The following C11orf52 variants were observed in gnomAD, a reference collection of about 807,000 sequenced individuals.
The protein encoded by C11orf52 is chromosome 11 open reading frame 52, also known as uncharacterized protein C11orf52.
Under a neutral mutation model 11.7 loss-of-function variants are expected in C11orf52, and 9 were observed. The ratio of observed to expected loss-of-function variants is 0.77; its 90% CI spans 0.46 to 1.34. C11orf52 has a LOEUF of 1.34. Among genes scored for constraint, C11orf52 ranks in the 40% most tolerant of loss-of-function variants. The probability of loss-of-function intolerance (pLI) is 0.00; values close to 1 mark genes in which losing one functional copy is unlikely to be tolerated. For missense variants in C11orf52, 139 were observed against 154.8 expected, an observed-to-expected ratio of 0.90 and a Z score of 0.54; for synonymous variants, 49 against 57.4, an observed-to-expected ratio of 0.85 and a Z score of 0.66.
chr11:111,925,907 T>C lies in C11orf52; in HGVS notation c.133-53T>C, dbSNP rs1592522306. 6.2e-6 allele frequency: 10 copies of C among 1,607,600 alleles called. No homozygotes were observed. The South Asian group carries it at 1.1e-4, about 18-fold the overall frequency. On this transcript the variant is annotated intron_variant, in intron 3 of 3. Coordinates refer to ENST00000278601, the MANE Select transcript of C11orf52 (RefSeq NM_080659.3). ...AGTTGACCTGCCCCTGCATTGGAGG[T>C]GAGGGGCAAAACCAAGCCATGAATC...
intron 2 of C11orf52, among the ~76,000 whole-genome samples, chr11:111,924,839 A>G (rs1166967856): frequency 6.6e-6 from 1 of 152,184 alleles, no homozygotes; most frequent in Non-Finnish European, 1.5e-5. Flanking sequence ...ATAATAGCAA[A>G]GGGCCAGGCG....
intron 3 of C11orf52, 90 bp from the exon 4 acceptor site, chr11:111,925,870 C>T (rs1229655092): frequency 6.3e-7 from 1 of 1,587,674 alleles, no homozygotes; most frequent in African/African-American, 1.3e-5. Flanking sequence ...AGGAGCAAAG[C>T]GAAGGGACAT....
At chr11:111,919,693 A>T (rs1362745495) in intron 1 of C11orf52, among the ~76,000 whole-genome samples, 1 of 152,166 alleles carries the variant, frequency 6.6e-6, no homozygotes, top group Non-Finnish European at 1.5e-5. Flanking sequence ...TTTATGAGGT[A>T]AATGGTTTTG....
At chr11:111,919,095 G>C in intron 1 of C11orf52, 91 bp downstream of exon 1, 1 of 1,451,056 alleles carries the variant, frequency 6.9e-7, no homozygotes. Flanking sequence ...ATAGTTGTCT[G>C]CCAGCCTCCC....
chr11:111,923,135 A>C (rs1281570650), intron 1 of C11orf52, among the ~76,000 whole-genome samples: 2 of 152,242 alleles, frequency 1.3e-5, no homozygotes, highest in Non-Finnish European at 2.9e-5. Flanking sequence ...ACAAGTGGCA[A>C]AGAATTAGAA....
At chr11:111,919,301 C>A in intron 1 of C11orf52, 1 of 341,850 alleles carries the variant, frequency 2.9e-6, no homozygotes, top group Non-Finnish European at 5.6e-6. Context: ...GGTGAAACCC[C>A]GTCTCTACTG....
At chr11:111,920,408 C>T (rs1965672562) in intron 1 of C11orf52, among the ~76,000 whole-genome samples, 1 of 151,954 alleles carries the variant, frequency 6.6e-6, no homozygotes, top group Middle Eastern at 3.4e-3. Flanking sequence ...CATGGTGGCA[C>T]ACGCCTGTAA....
intron 1 of C11orf52, among the ~76,000 whole-genome samples, chr11:111,921,917 T>C (rs1965706529): frequency 6.6e-6 from 1 of 152,162 alleles, no homozygotes; most frequent in Non-Finnish European, 1.5e-5. Flanking sequence ...GCTGCAACCT[T>C]AGCCTCCCAG....
intron 1 of C11orf52, 114 bp downstream of exon 1, chr11:111,919,118 C>G: frequency 8.5e-7 from 1 of 1,173,976 alleles, no homozygotes; most frequent in South Asian, 1.4e-5. Flanking sequence ...TGCCACCTTC[C>G]TCTGCCTGGT....
chr11:111,926,138 C>A lies in C11orf52; in HGVS notation c.311C>A (p.Ala104Glu). 6.2e-7 allele frequency: 1 copy of A among 1,614,232 alleles called. No individual in the cohort carries two copies. The highest frequency in any genetic ancestry group is 8.5e-7 in the Non-Finnish European group (1 of 1,180,042). The change falls in exon 4 of 4, where the codon GCG (alanine) becomes GAG (glutamate). Residue 104 changes from alanine to glutamate, a missense_variant. Transcript: ENST00000278601. ...HVHLENATEY[A>E]TLRFPQATPR... is the part of the protein sequence containing the mutation. ...CATTTAGAAAACGCTACAGAGTATG[C>A]GACCCTTCGCTTCCCCCAGGCCACA...
chr11:111,924,412 G>C (rs1555166763), intron 2 of C11orf52, 49 bp downstream of exon 2: 2 of 1,520,360 alleles, frequency 1.3e-6, no homozygotes, highest in Non-Finnish European at 1.8e-6. Flanking sequence ...AATTAGAGAA[G>C]ACAATAGAAC....
Position 111,925,709 on chromosome 11 carries a change from C to T in C11orf52, c.127C>T (p.Pro43Ser). Residue 43 changes from proline to serine, a missense_variant, in exon 3 of 4, where the codon CCA becomes TCA. Physicochemically the swap from Pro to Ser is moderately conservative, Grantham distance 74. Coordinates refer to ENST00000278601, the MANE Select transcript of C11orf52 (RefSeq NM_080659.3). ...PQPQQLQQNL[P>S]KGHETTGHTY... ...GCCACAACAGCTGCAGCAGAATCTCCCAAAGGTAATGACAGGTCTCTGTCC... is the reference window on the plus strand; with the variant it reads ...GCCACAACAGCTGCAGCAGAATCTCTCAAAGGTAATGACAGGTCTCTGTCC... 2.5e-6 allele frequency: 4 copies of T among 1,614,214 alleles called. No individual in the cohort carries two copies. The highest frequency in any genetic ancestry group is 1.1e-5 in the South Asian group (1 of 91,084).
intron 1 of C11orf52, among the ~76,000 whole-genome samples, chr11:111,921,644 C>A (rs1375318267): frequency 6.6e-6 from 1 of 152,180 alleles, no homozygotes; most frequent in African/African-American, 2.4e-5. Flanking sequence ...GTAACAGCTT[C>A]TTTTATTCTC....
chr11:111,922,558 G>A (rs1459535966), intron 1 of C11orf52, among the ~76,000 whole-genome samples: 7 of 152,120 alleles, frequency 4.6e-5, no homozygotes, highest in African/African-American at 1.4e-4. Context: ...AATGTGCACA[G>A]TTTTTATTCC....
chr11:111,926,634 T>C lies in C11orf52; in HGVS notation c.*435T>C. On this transcript the variant is annotated 3_prime_UTR_variant, in exon 4 of 4. Transcript: ENST00000278601. ...GAAGGGGAGGTGCTCCGGAAAAGCA[T>C]TCTGAGCTTTTACATTCAGACACTA... 1 of 194,848 alleles carries C rather than the reference T, an allele frequency of 5.1e-6. No homozygotes were observed. Among genetic ancestry groups the C allele is most frequent in the South Asian group, 8.8e-5 (1 of 11,426 alleles). 12.1% of individuals were successfully genotyped at this position (194,848 alleles called of 1,614,324 possible).
intron 1 of C11orf52, among the ~76,000 whole-genome samples, chr11:111,920,600 C>G (rs181178505): frequency 6.6e-6 from 1 of 150,940 alleles, no homozygotes; most frequent in East Asian, 2.0e-4. Flanking sequence ...CCCATCTCTA[C>G]AAAAAAATTA....
At chr11:111,924,984 C>T (rs1265133204) in intron 2 of C11orf52, among the ~76,000 whole-genome samples, 1 of 152,106 alleles carries the variant, frequency 6.6e-6, no homozygotes, top group Non-Finnish European at 1.5e-5. Context: ...ACTAGCTGGG[C>T]ATAGTGGTAT....
chr11:111,920,536 T>G (rs1453010143), intron 1 of C11orf52, among the ~76,000 whole-genome samples: 3 of 151,220 alleles, frequency 2.0e-5, no homozygotes, highest in Non-Finnish European at 4.4e-5. Flanking sequence ...AGACTATGTC[T>G]TGAAAAAAAA....
Position 111,924,254 on chromosome 11 carries a change from G to A in C11orf52, c.33-72G>A, listed in dbSNP as rs374237989. 7 of 1,450,008 alleles carry A rather than the reference G, an allele frequency of 4.8e-6. No homozygotes were observed. The East Asian group carries it at 6.8e-5, about 14-fold the overall frequency. 89.8% of individuals were successfully genotyped at this position (1,450,008 alleles called of 1,614,324 possible). A position where few individuals can be genotyped will look rare whatever the true frequency, so the allele number is the denominator to read the frequency against. ...TCATCAGAATGTTAAGGAGACCACA[G>A]AGCAAATGATGATGGAGGGAAGGCA... On this transcript the variant is annotated intron_variant, in intron 1 of 3. Coordinates refer to ENST00000278601, the MANE Select transcript of C11orf52 (RefSeq NM_080659.3).
Sources: gnomAD v4.1 joint callset for allele counts (sites outside exome capture counted in the v4.1 genomes callset) on GRCh38, gnomAD v4.1.1 for gene constraint, MANE v1.5 for transcripts, NCBI Gene and HGNC (gene_info 2026-07-23, HGNC 2026-07-21) for gene names.